Variants in DDIAS observed in about 807,000 individuals in gnomAD.
DDIAS encodes DNA damage induced apoptosis suppressor.
Under a neutral mutation model 15.7 loss-of-function variants are expected in DDIAS, and 14 were observed. That is an observed-to-expected ratio of 0.89 (90% CI 0.59 to 1.39). DDIAS has a LOEUF of 1.39. Ranked by LOEUF, DDIAS falls within the 40% of genes most tolerant of loss-of-function variation. The pLI is 0.00. For synonymous variants in DDIAS, 355 were observed against 395.9 expected, an observed-to-expected ratio of 0.90 and a Z score of 1.23; for missense variants, 1,035 against 1,130.9, an observed-to-expected ratio of 0.92 and a Z score of 1.22.
At chr11:82,906,699 G>A (rs1860439342) in intron 1 of DDIAS, among the ~76,000 whole-genome samples, 1 of 152,066 alleles carries the variant, frequency 6.6e-6, no homozygotes, top group Non-Finnish European at 1.5e-5. Context: ...AATAGTCTCT[G>A]CTCACAATAT....
At chr11:82,912,690 A>G (rs537187102) in intron 1 of DDIAS, among the ~76,000 whole-genome samples, 1 of 152,206 alleles carries the variant, frequency 6.6e-6, no homozygotes, top group Non-Finnish European at 1.5e-5. Flanking sequence ...ATTTCCTTCA[A>G]TAACATTTCC....
chr11:82,909,051 C>T (rs1860479392), intron 1 of DDIAS, among the ~76,000 whole-genome samples: 1 of 152,058 alleles, frequency 6.6e-6, no homozygotes. Flanking sequence ...TGATCTCGCA[C>T]AAGAAAGAAT....
intron 1 of DDIAS, among the ~76,000 whole-genome samples, chr11:82,907,672 T>C (rs1398610337): frequency 1.3e-5 from 2 of 152,198 alleles, no homozygotes; most frequent in African/African-American, 4.8e-5. Flanking sequence ...CCTGAGTAGC[T>C]GGAACTACAA....
chr11:82,920,324 C>G (rs1205203103), intron 3 of DDIAS, among the ~76,000 whole-genome samples: 3 of 152,044 alleles, frequency 2.0e-5, no homozygotes, highest in African/African-American at 7.2e-5. Flanking sequence ...TTCAAAGAGC[C>G]AGCTTTTGGT....
At chr11:82,931,418 C>T in intron 5 of DDIAS, among the ~76,000 whole-genome samples, 1 of 152,178 alleles carries the variant, frequency 6.6e-6, no homozygotes, top group East Asian at 1.9e-4. Context: ...GTACCAAGAT[C>T]ATGGCTCACT....
At chr11:82,918,802 T>G (rs1860684150) in intron 3 of DDIAS, among the ~76,000 whole-genome samples, 1 of 152,078 alleles carries the variant, frequency 6.6e-6, no homozygotes, top group South Asian at 2.1e-4. Flanking sequence ...GTTAGGTATC[T>G]TCCTAAATTT....
At chr11:82,927,812 A>G (rs1402863787) in intron 3 of DDIAS, among the ~76,000 whole-genome samples, 1 of 152,222 alleles carries the variant, frequency 6.6e-6, no homozygotes, top group East Asian at 1.9e-4. Context: ...GAAGCAGACT[A>G]ACACTAATTT....
Position 82,914,713 on chromosome 11 carries a change from T to C in DDIAS, c.-16-10T>C. 7.1e-7 allele frequency: 1 copy of C among 1,411,302 alleles called. No individual in the cohort carries two copies. The highest frequency in any genetic ancestry group is 1.0e-6 in the Non-Finnish European group (1 of 1,002,670). 87.4% of individuals were successfully genotyped at this position (1,411,302 alleles called of 1,614,324 possible). A position where few individuals can be genotyped will look rare whatever the true frequency, so the allele number is the denominator to read the frequency against. ...TTGCCAGTCATCCCAATGGCTATTT[T>C]GTTTTGCAGACCACGGTGTGAACAC... On this transcript the variant is annotated splice_polypyrimidine_tract_variant and intron_variant, in intron 2 of 5. Transcript: ENST00000533655.
intron 2 of DDIAS, chr11:82,913,941 T>C (rs1208477169): frequency 4.5e-6 from 2 of 442,990 alleles, no homozygotes; most frequent in Non-Finnish European, 9.0e-6. Context: ...ACAATACTTT[T>C]TTTTTTCTTT....
rs1198413059 is a variant in DDIAS, at chr11:82,925,244, AT to A, written c.114-3526del. On this transcript the variant is annotated intron_variant, in intron 3 of 5. Coordinates refer to ENST00000533655, the MANE Select transcript of DDIAS (RefSeq NM_145018.4). The stretch of plus-strand genomic sequence containing the variant: ...AAGGGTCTGTTTTTAATGAATTAAT[AT>A]TTTTTTGATTTCTCAGTTTTAATTT... Among the ~76,000 whole-genome samples, 14 of 152,310 alleles carry A rather than the reference AT, an allele frequency of 9.2e-5. No individual in the cohort carries two copies. The East Asian group carries it at 2.1e-3, about 23-fold the overall frequency.
At chr11:82,912,144 G>A (rs558511214) in intron 1 of DDIAS, among the ~76,000 whole-genome samples, 1 of 152,252 alleles carries the variant, frequency 6.6e-6, no homozygotes, top group South Asian at 2.1e-4. Flanking sequence ...GAGCACTGGT[G>A]TCAGTATCAA....
chr11:82,901,951 C>T (rs1860316749), intron 1 of DDIAS, 129 bp downstream of exon 1: 1 of 152,150 alleles, frequency 6.6e-6, no homozygotes, highest in Admixed American at 6.5e-5. Flanking sequence ...TCTCTGTAAA[C>T]GGGCAGCCAT....
intron 3 of DDIAS, among the ~76,000 whole-genome samples, chr11:82,927,044 T>A (rs1268112466): frequency 6.6e-6 from 1 of 152,178 alleles, no homozygotes; most frequent in Non-Finnish European, 1.5e-5. Flanking sequence ...GGTCATATAT[T>A]TACCAACTTT....
chr11:82,929,727 T>A (rs1364699374), intron 4 of DDIAS, among the ~76,000 whole-genome samples: 1 of 151,190 alleles, frequency 6.6e-6, no homozygotes, highest in Non-Finnish European at 1.5e-5. Flanking sequence ...AAAGCTTTTC[T>A]TCCCCCTCAG....
At position 82,914,987 on chromosome 11, in the gene DDIAS, C is replaced by G. The variant is rs1289085460; in HGVS notation, c.113+136C>G. On this transcript the variant is annotated intron_variant, in intron 3 of 5. Transcript: ENST00000533655. ...CAGGGGTTGGTTCTTCTGTAAATCC[C>G]AGAACAGATTTCACTGCTAATCCTC... is the stretch of plus-strand genomic sequence containing the variant. 5 of 569,948 alleles carry G rather than the reference C, an allele frequency of 8.8e-6. No homozygotes were observed. In the East Asian group the frequency reaches 1.6e-4, roughly 18 times the overall value. The allele number at this position is 569,948 out of a possible 1,614,324, so 35.3% of individuals were successfully genotyped here.
At chr11:82,928,071 T>C (rs779609058) in intron 3 of DDIAS, among the ~76,000 whole-genome samples, 2 of 151,084 alleles carry the variant, frequency 1.3e-5, no homozygotes, top group African/African-American at 2.4e-5. Context: ...GTTATCAACA[T>C]AGTCTAATGA....
At chr11:82,920,475 G>A (rs1447732472) in intron 3 of DDIAS, among the ~76,000 whole-genome samples, 2 of 152,116 alleles carry the variant, frequency 1.3e-5, no homozygotes, top group Non-Finnish European at 2.9e-5. Context: ...TAGAATGTCA[G>A]TTTGTGTTCT....
intron 3 of DDIAS, among the ~76,000 whole-genome samples, chr11:82,923,667 C>A (rs1343357347): frequency 6.6e-6 from 1 of 152,124 alleles, no homozygotes; most frequent in Non-Finnish European, 1.5e-5. Context: ...AGTAATAGTA[C>A]CTAGTGCTGA....
intron 3 of DDIAS, among the ~76,000 whole-genome samples, chr11:82,924,005 T>C (rs1337721217): frequency 6.6e-6 from 1 of 152,202 alleles, no homozygotes; most frequent in Non-Finnish European, 1.5e-5. Context: ...CCTTTTAGCC[T>C]AGAAATCCAT....
Sources: allele counts gnomAD v4.1 joint callset (sites outside exome capture counted in the v4.1 genomes callset), GRCh38; gene constraint gnomAD v4.1.1; transcripts MANE v1.5; gene names NCBI Gene and HGNC (gene_info 2026-07-23, HGNC 2026-07-21).